LAMC2: variants seen among roughly 807,000 people sequenced by gnomAD.
The protein encoded by LAMC2 is laminin subunit gamma-2.
A neutral mutation model predicts 140.2 loss-of-function variants in LAMC2; 97 were observed. The observed-to-expected ratio is 0.69, with a 90% confidence interval of 0.59 to 0.82. The LOEUF (loss-of-function observed/expected upper bound fraction) is 0.82. LAMC2 is among the 40% of genes least tolerant of loss of function. LAMC2 has a pLI of 0.00. For missense variants in LAMC2, 1,402 were observed against 1,476.1 expected (o/e 0.95, Z 0.82); for synonymous variants, 513 against 540.2 (o/e 0.95, Z 0.70).
At chr1:183,200,950 C>T (rs186275664) in intron 1 of LAMC2, among the ~76,000 whole-genome samples, 126 of 152,336 alleles carry the variant, frequency 8.3e-4, no homozygotes, top group African/African-American at 2.5e-3. Context: ...TTACCATCCA[C>T]GCACGCTTTA....
chr1:183,237,707 C>G lies in LAMC2; in HGVS notation c.2754+203C>G, dbSNP rs112459274. 3.3e-5 allele frequency among the ~76,000 whole-genome samples: 5 copies of G among 152,076 alleles called. No individual in the cohort carries two copies. In the South Asian group the frequency reaches 8.3e-4, roughly 25 times the overall value. Reference sequence around the variant, plus strand: ...CAGCGTAGGCAACGTAGTGAGGCCCCCATCTCTACAAAAAATAAAAAATAA... The same window carrying G: ...CAGCGTAGGCAACGTAGTGAGGCCCGCATCTCTACAAAAAATAAAAAATAA... On this transcript the variant is annotated intron_variant, in intron 18 of 22. Coordinates refer to ENST00000264144, the MANE Select transcript of LAMC2 (RefSeq NM_005562.3).
chr1:183,220,822 C>G lies in LAMC2; in HGVS notation c.504-3C>G. The G allele has an allele frequency of 6.2e-7, 1 of 1,613,486 alleles. No homozygotes were observed. The highest frequency in any genetic ancestry group is 8.5e-7 in the Non-Finnish European group (1 of 1,179,414). On this transcript the variant is annotated splice_region_variant and splice_polypyrimidine_tract_variant and intron_variant, in intron 4 of 22. Transcript: ENST00000264144. ...TATCCTGATTTCTACAATGCCACTG[C>G]AGGTGTCGATCAGGTTACTATAATC...
chr1:183,258,824 C>T, the LAMC2 span, among the ~76,000 whole-genome samples: 1 of 152,078 alleles, frequency 6.6e-6, no homozygotes, highest in African/African-American at 2.4e-5. Context: ...AAGAAGACAG[C>T]TTCGACTCCC....
At position 183,243,514 on chromosome 1, in the gene LAMC2, C is replaced by A; in HGVS notation, c.*114C>A. The A allele has an allele frequency of 1.5e-6, 2 of 1,313,350 alleles. No homozygotes were observed. Among genetic ancestry groups the A allele is most frequent in the Non-Finnish European group, 2.2e-6 (2 of 915,612 alleles). 81.4% of individuals were successfully genotyped at this position (1,313,350 alleles called of 1,614,324 possible). A position where few individuals can be genotyped will look rare whatever the true frequency, so the allele number is the denominator to read the frequency against. On this transcript the variant is annotated 3_prime_UTR_variant, in exon 23 of 23. Transcript: ENST00000264144. ...CATTTGAACATGTTTAATGGGTATG[C>A]TCAGGTCAACTGACCTGACCCCATT...
intron 2 of LAMC2, among the ~76,000 whole-genome samples, chr1:183,208,464 C>A (rs1170740055): frequency 6.6e-6 from 1 of 152,162 alleles, no homozygotes; most frequent in Non-Finnish European, 1.5e-5. Context: ...CATAGCCATC[C>A]ATTTGACCAA....
At chr1:183,258,140 A>G in the LAMC2 span, among the ~76,000 whole-genome samples, 1 of 152,184 alleles carries the variant, frequency 6.6e-6, no homozygotes, top group Non-Finnish European at 1.5e-5. Flanking sequence ...CAACAGGTAT[A>G]AAGGACTCCA....
chr1:183,253,786 A>T, the LAMC2 span, among the ~76,000 whole-genome samples: 2 of 152,176 alleles, frequency 1.3e-5, no homozygotes, highest in South Asian at 4.1e-4. Context: ...AAGTGAAATC[A>T]TGCAATATTT....
At chr1:183,258,144 G>A in the LAMC2 span, among the ~76,000 whole-genome samples, 1 of 152,178 alleles carries the variant, frequency 6.6e-6, no homozygotes, top group Non-Finnish European at 1.5e-5. Context: ...AGGTATAAAG[G>A]ACTCCAGTGA....
At chr1:183,206,757 T>C (rs2102193902) in intron 1 of LAMC2, among the ~76,000 whole-genome samples, 1 of 152,300 alleles carries the variant, frequency 6.6e-6, no homozygotes, top group East Asian at 1.9e-4. Context: ...CTGTTGACTT[T>C]ATTGTCAGCA....
chr1:183,186,400 G>A lies in LAMC2; in HGVS notation c.48G>A (p.Leu16=). The A allele has an allele frequency of 1.2e-6, 2 of 1,605,590 alleles. No homozygotes were observed. The highest frequency in any genetic ancestry group is 2.2e-5 in the South Asian group (2 of 90,972). The change falls in exon 1 of 23, where the codon CTG becomes CTA. Residue 16 remains leucine, a synonymous_variant. Transcript: ENST00000264144. ...GCTGCCTCTGCTTCTCGCTCCTCCT[G>A]CCCGCAGCCCGGGCCACCTCCAGGA... ...LGCCLCFSLL[L]PAARATSRRE... is the part of the protein sequence containing the mutation.
At chr1:183,198,056 A>G (rs1658578018) in intron 1 of LAMC2, among the ~76,000 whole-genome samples, 1 of 151,992 alleles carries the variant, frequency 6.6e-6, no homozygotes, top group Non-Finnish European at 1.5e-5. Context: ...AGAATGAGGG[A>G]CACATGCAGG....
rs1379595504 is a variant in LAMC2 at position 183,223,157 on chromosome 1, G to A, written c.786G>A (p.Gln262=). 7.4e-6 allele frequency: 12 copies of A among 1,614,128 alleles called. No individual in the cohort carries two copies. The African/African-American group carries it at 9.3e-5, about 13-fold the overall frequency. Reference sequence around the variant, plus strand: ...CAGCCAAATTTCTTGGGAATCAACAGGTGAGCTATGGTCAAAGCCTGTCCT... The same window carrying A: ...CAGCCAAATTTCTTGGGAATCAACAAGTGAGCTATGGTCAAAGCCTGTCCT... The part of the protein sequence containing the change: ...VAPAKFLGNQ[Q]VSYGQSLSFD... Residue 262 remains glutamine (Q), a synonymous_variant, in exon 7 of 23, where the codon CAG becomes CAA. Coordinates refer to ENST00000264144, the MANE Select transcript of LAMC2 (RefSeq NM_005562.3).
rs1035312061 is a variant in LAMC2, at chr1:183,232,463, T to G, written c.2014+120T>G. The G allele has an allele frequency of 4.7e-5, 59 of 1,256,706 alleles. 1 individual carries two copies. The Admixed American group carries it at 1.1e-3, about 24-fold the overall frequency. 77.8% of individuals were successfully genotyped at this position (1,256,706 alleles called of 1,614,324 possible). A position where few individuals can be genotyped will look rare whatever the true frequency, so the allele number is the denominator to read the frequency against. ...TCAGCAGTTATCTCCAGCCAGCCCT[T>G]GCAGAAGTGGAAGGACTGTCTGTGG... is the stretch of plus-strand genomic sequence containing the variant. On this transcript the variant is annotated intron_variant, in intron 13 of 22. Coordinates refer to ENST00000264144, the MANE Select transcript of LAMC2 (RefSeq NM_005562.3).
At chr1:183,212,217 A>G (rs1659092071) in intron 2 of LAMC2, among the ~76,000 whole-genome samples, 1 of 152,202 alleles carries the variant, frequency 6.6e-6, no homozygotes, top group African/African-American at 2.4e-5. Flanking sequence ...CTGATCCCCA[A>G]ATCAGCATCC....
At chr1:183,225,794 G>A (rs551903343) in intron 8 of LAMC2, 74 bp downstream of exon 8, 169 of 985,654 alleles carry the variant, frequency 1.7e-4, no homozygotes, top group Admixed American at 3.1e-4. Context: ...CTAAGGTGGC[G>A]GCAGTCTCCA....
intron 20 of LAMC2, chr1:183,239,777 C>A: frequency 3.1e-6 from 2 of 635,160 alleles, no homozygotes; most frequent in Non-Finnish European, 5.5e-6. Flanking sequence ...TGGTTCCTAA[C>A]TCTGTTCAAC....
intron 22 of LAMC2, chr1:183,240,833 T>C: frequency 3.8e-6 from 1 of 266,238 alleles, no homozygotes; most frequent in African/African-American, 2.3e-5. Context: ...AGAAGGCAGG[T>C]TGAGACTACT....
chr1:183,213,748 C>CAAA (rs529019896), intron 2 of LAMC2, among the ~76,000 whole-genome samples: 5,134 of 67,920 alleles, frequency 0.076, 387 homozygotes, highest in African/African-American at 0.22. Flanking sequence ...TGCAGTGAGC[C>CAAA]AAAAAAAAAA....
At chr1:183,240,580 GT>G in intron 22 of LAMC2, 189 bp downstream of exon 22, 2 of 1,438,250 alleles carry the variant, frequency 1.4e-6, no homozygotes, top group Non-Finnish European at 1.8e-6. Context: ...CTGTTTTACC[GT>G]TGCTAAGATG....
Sources: allele counts gnomAD v4.1 joint callset (sites outside exome capture counted in the v4.1 genomes callset), GRCh38; gene constraint gnomAD v4.1.1; transcripts MANE v1.5; gene names NCBI Gene and HGNC (gene_info 2026-07-23, HGNC 2026-07-21).